Variants in KIFAP3 observed in about 807,000 individuals in gnomAD.
The protein encoded by KIFAP3 is kinesin associated protein 3.
KIFAP3 carries 68 observed loss-of-function variants against 106.5 expected under a neutral mutation model. The ratio of observed to expected loss-of-function variants is 0.64; its 90% confidence interval spans 0.53 to 0.78. KIFAP3 has a LOEUF of 0.78. KIFAP3 is among the 30% of genes least tolerant of loss of function. The probability of loss-of-function intolerance (pLI) is 0.00; values close to 1 mark genes in which losing one functional copy is unlikely to be tolerated. For synonymous variants in KIFAP3, 320 were observed against 311.5 expected (o/e 1.03, Z -0.29); for missense variants, 780 against 941.8 (o/e 0.83, Z 2.25).
intron 18 of KIFAP3, among the ~76,000 whole-genome samples, chr1:169,956,203 G>T (rs143768563): frequency 7.5e-4 from 114 of 152,110 alleles, no homozygotes; most frequent in African/African-American, 2.6e-3. Context: ...TACACACAAA[G>T]ATATTCGGCA....
chr1:169,927,930 CTA>C (rs147566794), intron 19 of KIFAP3, among the ~76,000 whole-genome samples: 5,542 of 152,076 alleles, frequency 0.036, 129 homozygotes, highest in Admixed American at 0.065. Flanking sequence ...TGACCAAATT[CTA>C]TGTTTTAGGA....
At chr1:169,966,479 A>C (rs1431873952) in intron 17 of KIFAP3, among the ~76,000 whole-genome samples, 3 of 151,604 alleles carry the variant, frequency 2.0e-5, no homozygotes, top group East Asian at 1.9e-4. Flanking sequence ...AAAAAAAAAA[A>C]AAAAACCTTG....
intron 19 of KIFAP3, among the ~76,000 whole-genome samples, chr1:169,933,727 T>G (rs1663626297): frequency 6.6e-6 from 1 of 152,262 alleles, no homozygotes; most frequent in South Asian, 2.1e-4. Flanking sequence ...CTCATGTACA[T>G]CAGCATTTCC....
chr1:170,076,811 G>T (rs1671928132), upstream of KIFAP3, among the ~76,000 whole-genome samples: 1 of 152,196 alleles, frequency 6.6e-6, no homozygotes, highest in South Asian at 2.1e-4. Flanking sequence ...AATTTAAAGT[G>T]AGGCAAAGTT....
Position 169,995,168 on chromosome 1 carries a change from A to G in KIFAP3, c.1184-2913T>C, listed in dbSNP as rs559636292. Among the ~76,000 whole-genome samples the G allele has an allele frequency of 3.9e-5, 6 of 152,208 alleles. 1 individual carries two copies. The highest frequency in any genetic ancestry group is 1.4e-4 in the African/African-American group (6 of 41,570). Reference sequence around the variant, plus strand: ...CATTTTTATACTGTTGAAGGCACCAATTTATACTTATTCTAGTATAAAGCA... The same window carrying G: ...CATTTTTATACTGTTGAAGGCACCAGTTTATACTTATTCTAGTATAAAGCA... On this transcript the variant is annotated intron_variant, in intron 10 of 19. Transcript: ENST00000361580.
chr1:170,037,636 C>T (rs1201925976), intron 5 of KIFAP3, among the ~76,000 whole-genome samples: 1 of 151,468 alleles, frequency 6.6e-6, no homozygotes, highest in Non-Finnish European at 1.5e-5. Flanking sequence ...ACTCAGGAGG[C>T]TGAGGTGGGA....
At chr1:169,928,699 CAAAAAAAAAA>C (rs10690029) in intron 19 of KIFAP3, among the ~76,000 whole-genome samples, 1 of 37,784 alleles carries the variant, frequency 2.6e-5, no homozygotes, top group Non-Finnish European at 4.1e-5. Context: ...ACCCTGTCTC[CAAAAAAAAAA>C]AAAAAAAAAA....
chr1:169,996,788 C>A (rs970309255), intron 10 of KIFAP3, among the ~76,000 whole-genome samples: 4 of 148,680 alleles, frequency 2.7e-5, no homozygotes, highest in African/African-American at 9.7e-5. Context: ...ACCTGGGACT[C>A]ATGGGGAAAA....
intron 16 of KIFAP3, among the ~76,000 whole-genome samples, chr1:169,977,476 C>A (rs771169781): frequency 8.6e-5 from 13 of 152,046 alleles, no homozygotes; most frequent in Non-Finnish European, 1.9e-4. Flanking sequence ...ACGTTACGGG[C>A]ATTTTTTAGG....
intron 1 of KIFAP3, among the ~76,000 whole-genome samples, chr1:170,070,359 A>T (rs1458889506): frequency 6.6e-6 from 1 of 152,036 alleles, no homozygotes; most frequent in Non-Finnish European, 1.5e-5. Flanking sequence ...TTGAAAAAGA[A>T]CAACAAAGTT....
chr1:170,028,959 TCA>T (rs962857177), intron 8 of KIFAP3, among the ~76,000 whole-genome samples: 2 of 151,926 alleles, frequency 1.3e-5, no homozygotes, highest in African/African-American at 4.8e-5. Context: ...AGACACATAC[TCA>T]CACAAACATG....
At chr1:170,005,761 G>A (rs1571648567) in intron 10 of KIFAP3, among the ~76,000 whole-genome samples, 4 of 149,804 alleles carry the variant, frequency 2.7e-5, no homozygotes, top group East Asian at 4.0e-4. Flanking sequence ...AATGCTAAAT[G>A]ACGAGTTAAT....
intron 1 of KIFAP3, among the ~76,000 whole-genome samples, chr1:170,057,462 A>G (rs1484898890): frequency 6.6e-6 from 1 of 152,166 alleles, no homozygotes; most frequent in Admixed American, 6.5e-5. Context: ...GAAAAACTAA[A>G]ACAGAAATGA....
chr1:170,074,557 C>A lies in KIFAP3; in HGVS notation c.-90G>T. 6.3e-7 allele frequency: 1 copy of A among 1,597,422 alleles called. No individual in the cohort carries two copies. Among genetic ancestry groups the A allele is most frequent in the Non-Finnish European group, 8.5e-7 (1 of 1,172,266 alleles). On this transcript the variant is annotated 5_prime_UTR_variant, in exon 1 of 20. Coordinates refer to ENST00000361580, the MANE Select transcript of KIFAP3 (RefSeq NM_014970.4). ...GGACGGTGGCCAAAGTACCCTCACA[C>A]CCAGAGGCGATGACAGTCCTGAGGC...
At chr1:169,998,395 TATATACACACACACAC>T (rs778254811) in intron 10 of KIFAP3, among the ~76,000 whole-genome samples, 935 of 81,340 alleles carry the variant, frequency 0.011, 11 homozygotes, top group African/African-American at 0.051. Flanking sequence ...TATATATATA[TATATACACACACACAC>T]ACACACACAC....
Position 170,059,476 on chromosome 1 carries a change from C to T in KIFAP3, c.33-4040G>A, listed in dbSNP as rs865894872. 5.9e-5 allele frequency among the ~76,000 whole-genome samples: 9 copies of T among 152,082 alleles called. No homozygotes were observed. In the South Asian group the frequency reaches 1.9e-3, roughly 32 times the overall value. ...GACTAAACCAGGAAGAAGGTGAATC[C>T]CTGAACAGACCAATAACCAATAGGC... On this transcript the variant is annotated intron_variant, in intron 1 of 19. Transcript: ENST00000361580.
At chr1:170,076,828 C>T (rs763034126), upstream of KIFAP3, among the ~76,000 whole-genome samples, 16 of 152,138 alleles carry the variant, frequency 1.1e-4, no homozygotes, top group Admixed American at 7.9e-4. Flanking sequence ...AGTTTTACCC[C>T]GCATATTTCT....
chr1:170,037,843 T>G (rs917565951), intron 5 of KIFAP3, among the ~76,000 whole-genome samples: 1 of 152,170 alleles, frequency 6.6e-6, no homozygotes, highest in Non-Finnish European at 1.5e-5. Context: ...AAAAACATTC[T>G]ATCTCCTTTT....
Position 170,069,367 on chromosome 1 carries a change from C to T in KIFAP3, c.32+5069G>A, listed in dbSNP as rs114475141. Among the ~76,000 whole-genome samples the T allele has an allele frequency of 4.3e-3, 661 of 152,126 alleles. 2 individuals carry two copies. The highest frequency in any genetic ancestry group is 7.3e-3 in the Non-Finnish European group (499 of 67,962). On this transcript the variant is annotated intron_variant, in intron 1 of 19. Coordinates refer to ENST00000361580, the MANE Select transcript of KIFAP3 (RefSeq NM_014970.4). ...CACTTCCTAATTCATTCCATGAGGC[C>T]ACCATTACCCTGATACCAAAGCAAG...
Sources: gnomAD v4.1 joint callset for allele counts (sites outside exome capture counted in the v4.1 genomes callset) on GRCh38, gnomAD v4.1.1 for gene constraint, MANE v1.5 for transcripts, NCBI Gene and HGNC (gene_info 2026-07-23, HGNC 2026-07-21) for gene names.